Variants in DNAH17 observed in about 807,000 individuals in gnomAD.
DNAH17 encodes axonemal beta dynein heavy chain 17.
In DNAH17, 376 loss-of-function variants were observed where a neutral mutation model predicts 485.6. The ratio of observed to expected loss-of-function variants is 0.77; its 90% CI spans 0.71 to 0.84. DNAH17 has a LOEUF of 0.84. DNAH17 is among the 40% of genes least tolerant of loss of function. The probability of loss-of-function intolerance (pLI) is 0.00; values close to 1 mark genes in which losing one functional copy is unlikely to be tolerated. For synonymous variants in DNAH17, 3,031 were observed against 2,405.9 expected (o/e 1.26, Z -7.60); for missense variants, 6,370 against 5,839.3 (o/e 1.09, Z -2.96).
chr17:78,538,426 G>A (rs979566872), intron 18 of DNAH17, among the ~76,000 whole-genome samples: 3 of 152,166 alleles, frequency 2.0e-5, no homozygotes, highest in Non-Finnish European at 4.4e-5. Flanking sequence ...ACCAGGCTGT[G>A]AGATCACACT....
intron 16 of DNAH17, among the ~76,000 whole-genome samples, chr17:78,550,958 C>T (rs2091888933): frequency 6.6e-6 from 1 of 152,164 alleles, no homozygotes; most frequent in Non-Finnish European, 1.5e-5. Flanking sequence ...GTGGCTCACG[C>T]CTGTAATCCC....
chr17:78,444,642 C>T lies in DNAH17; in HGVS notation c.11490G>A (p.Val3830=). The change falls in exon 71 of 81, where the codon GTG becomes GTA. Residue 3830 remains valine, a synonymous_variant. Transcript: ENST00000389840. ...NKTALQKLCM[V]RCLRPDRMTY... The stretch of plus-strand genomic sequence containing the variant: ...TCATGCGATCTGGCCGCAGGCAGCG[C>T]ACCATGCACAGCTTCTGCAGGGCCG... 2.5e-6 allele frequency: 4 copies of T among 1,600,078 alleles called. No homozygotes were observed. Among genetic ancestry groups the T allele is most frequent in the Non-Finnish European group, 2.6e-6 (3 of 1,174,122 alleles).
intron 16 of DNAH17, among the ~76,000 whole-genome samples, chr17:78,548,276 C>G (rs979487753): frequency 7.2e-6 from 1 of 137,932 alleles, no homozygotes; most frequent in African/African-American, 2.8e-5. Context: ...ACGATCTCGG[C>G]TCACTGCAAG....
At chr17:78,424,291 C>T (rs1282506393) in intron 80 of DNAH17, 138 bp from the exon 81 acceptor site, 8 of 1,156,570 alleles carry the variant, frequency 6.9e-6, no homozygotes, top group Non-Finnish European at 8.3e-6. Context: ...CCAGCTGCCA[C>T]GGCTGGAAGC....
chr17:78,444,575 CG>C, intron 71 of DNAH17, 28 bp downstream of exon 71: 1 of 1,526,100 alleles, frequency 6.6e-7, no homozygotes, highest in East Asian at 2.5e-5. Context: ...GCCTCGGGGG[CG>C]GGGCCCCCGG....
intron 77 of DNAH17, chr17:78,428,205 G>A (rs2086545696): frequency 2.4e-6 from 1 of 419,634 alleles, no homozygotes; most frequent in Non-Finnish European, 4.5e-6. Flanking sequence ...AATGGTCGGT[G>A]CCCTTCCTGG....
At position 78,571,709 on chromosome 17, in the gene DNAH17, G is replaced by C. The variant is rs770124233; in HGVS notation, c.613C>G (p.Arg205Gly). Residue 205 changes from arginine (R) to glycine (G), a missense_variant, in exon 4 of 81, where the codon CGG becomes GGG. Transcript: ENST00000389840. ...GCTGAGTCTTTGCTCAGCACATCCC[G>C]GATCTGGTGGGACCAGTCGATGATG... ...TTIIDWSHQI[R>G]DVLSKDSAQA... is the part of the protein sequence containing the mutation. 1 of 1,613,782 alleles carries C rather than the reference G, an allele frequency of 6.2e-7. No individual in the cohort carries two copies.
chr17:78,449,369 C>T (rs995997325), intron 69 of DNAH17, 45 bp downstream of exon 69: 54 of 1,511,220 alleles, frequency 3.6e-5, no homozygotes, highest in Admixed American at 2.6e-4. Context: ...TCAGTGACAC[C>T]GCTGGTCCAC....
At chr17:78,555,590 G>A (rs1357524981) in intron 14 of DNAH17, among the ~76,000 whole-genome samples, 1 of 145,714 alleles carries the variant, frequency 6.9e-6, no homozygotes, top group African/African-American at 2.6e-5. Flanking sequence ...CAAAAGAGAA[G>A]GCATCAGTGT....
At chr17:78,516,225 C>T (rs1323384694) in intron 25 of DNAH17, among the ~76,000 whole-genome samples, 1 of 152,188 alleles carries the variant, frequency 6.6e-6, no homozygotes, top group Non-Finnish European at 1.5e-5. Flanking sequence ...AATGTCTTGG[C>T]TAGTGTGTTT....
chr17:78,445,294 C>A (rs1335622182), intron 70 of DNAH17, among the ~76,000 whole-genome samples: 1 of 151,466 alleles, frequency 6.6e-6, no homozygotes, highest in Admixed American at 6.6e-5. Context: ...CTCTTCTGGC[C>A]CCCAGAGGAT....
At chr17:78,546,278 A>G (rs963006715) in intron 16 of DNAH17, among the ~76,000 whole-genome samples, 2 of 152,220 alleles carry the variant, frequency 1.3e-5, no homozygotes, top group African/African-American at 4.8e-5. Context: ...TGGAAGTTTC[A>G]TATGGTTTCA....
Position 78,491,337 on chromosome 17 carries a change from C to A in DNAH17, c.6669+106G>T, listed in dbSNP as rs2089843070. The A allele has an allele frequency of 7.5e-6, 11 of 1,468,826 alleles. No individual in the cohort carries two copies. In the South Asian group the frequency reaches 1.5e-4, roughly 20 times the overall value. The allele number at this position is 1,468,826 out of a possible 1,614,324, so 91.0% of individuals were successfully genotyped here. On this transcript the variant is annotated intron_variant, in intron 43 of 80. Coordinates refer to ENST00000389840, the MANE Select transcript of DNAH17 (RefSeq NM_173628.4). ...TGGAGATCCAGACACGCCACCTGCGCCAAGCCTGGCATGCAGGGCCTGAGT... is the reference window on the plus strand; with the variant it reads ...TGGAGATCCAGACACGCCACCTGCGACAAGCCTGGCATGCAGGGCCTGAGT...
At chr17:78,492,939 C>T in intron 41 of DNAH17, 174 bp from the exon 42 acceptor site, 1 of 591,552 alleles carries the variant, frequency 1.7e-6, no homozygotes, top group Non-Finnish European at 2.7e-6. Flanking sequence ...GCAACCTCTG[C>T]CTCAGGGTTC....
At chr17:78,494,327 G>T in intron 40 of DNAH17, 154 bp from the exon 41 acceptor site, 4 of 1,199,654 alleles carry the variant, frequency 3.3e-6, no homozygotes, top group Non-Finnish European at 4.6e-6. Flanking sequence ...TGTCAATGCC[G>T]AGAGTTGACA....
At chr17:78,497,607 T>C (rs692498) in intron 37 of DNAH17, among the ~76,000 whole-genome samples, 144,064 of 152,282 alleles carry the variant, frequency 0.95, 68,248 homozygotes, top group East Asian at 1. Flanking sequence ...GTCCCCACGG[T>C]AACAGCCAGC....
chr17:78,558,153 C>T lies in DNAH17; in HGVS notation c.2133G>A (p.Arg711=), dbSNP rs780516148. The T allele has an allele frequency of 1.7e-5, 28 of 1,613,818 alleles. No homozygotes were observed. In the Middle Eastern group the frequency reaches 4.9e-4, roughly 29 times the overall value. Residue 711 remains arginine (R), a synonymous_variant, in exon 14 of 81, where the codon CGG becomes CGA. Coordinates refer to ENST00000389840, the MANE Select transcript of DNAH17 (RefSeq NM_173628.4). ...TGAGCTCCAGGTTGCCCACAAACTT[C>T]CGGAAAGTTTCGTTCTCTGAGAACA... The part of the protein sequence containing the change: ...ESLFSENETF[R]KFVGNLELIV...
chr17:78,522,492 G>A (rs934172110), intron 25 of DNAH17: 10 of 337,634 alleles, frequency 3.0e-5, no homozygotes, highest in Admixed American at 1.2e-4. Flanking sequence ...AGCACAAGGA[G>A]AAAGGGGCCT....
chr17:78,536,760 G>A (rs2091385061), intron 19 of DNAH17, among the ~76,000 whole-genome samples: 1 of 147,532 alleles, frequency 6.8e-6, no homozygotes, highest in Non-Finnish European at 1.5e-5. Context: ...GGGTTGGAAG[G>A]ATGATGAGGG....
Sources: allele counts gnomAD v4.1 joint callset (sites outside exome capture counted in the v4.1 genomes callset), GRCh38; gene constraint gnomAD v4.1.1; transcripts MANE v1.5; gene names NCBI Gene and HGNC (gene_info 2026-07-23, HGNC 2026-07-21).